Variants in SLC35D4 observed in about 807,000 individuals in gnomAD.
The protein encoded by SLC35D4 is UDP-N-acetylglucosamine transporter SLC35D4.
chr18:23,278,177 T>C, the SLC35D4 span, among the ~76,000 whole-genome samples: 3 of 152,136 alleles, frequency 2.0e-5, no homozygotes, highest in African/African-American at 7.2e-5. Flanking sequence ...TCAAAACCAC[T>C]GGGCAGAATG....
the SLC35D4 span, among the ~76,000 whole-genome samples, chr18:23,407,154 C>A: frequency 2.0e-5 from 3 of 152,132 alleles, no homozygotes; most frequent in Non-Finnish European, 4.4e-5. Flanking sequence ...GGATCCATAT[C>A]CATAGTTTGC....
the SLC35D4 span, among the ~76,000 whole-genome samples, chr18:23,424,886 T>C: frequency 2.0e-5 from 3 of 152,048 alleles, no homozygotes; most frequent in Non-Finnish European, 4.4e-5. Context: ...TGCTATGAAA[T>C]ATTAGGGAGG....
At chr18:23,355,035 C>A in the SLC35D4 span, among the ~76,000 whole-genome samples, 17,452 of 152,048 alleles carry the variant, frequency 0.11, 1,104 homozygotes, top group Middle Eastern at 0.19. Flanking sequence ...CCTCCTGAGC[C>A]CCCCCAGAAC....
chr18:23,351,107 T>TA, the SLC35D4 span, among the ~76,000 whole-genome samples: 2 of 152,114 alleles, frequency 1.3e-5, no homozygotes, highest in East Asian at 3.8e-4. Context: ...TTAATGCTAT[T>TA]AAAAAATAGG....
the SLC35D4 span, chr18:23,310,192 TC>T: frequency 2.0e-6 from 2 of 985,066 alleles, no homozygotes; most frequent in Non-Finnish European, 2.4e-6. Context: ...CCAGCCTTTG[TC>T]CAATGCACCA....
chr18:23,247,183 T>C, the SLC35D4 span, among the ~76,000 whole-genome samples: 1 of 152,214 alleles, frequency 6.6e-6, no homozygotes, highest in Non-Finnish European at 1.5e-5. Context: ...TCTCTTGGCA[T>C]GGTTGGGAGG....
At chr18:23,370,100 A>G in the SLC35D4 span, 1 of 805,756 alleles carries the variant, frequency 1.2e-6, no homozygotes. Context: ...AATCGCTTGA[A>G]CCCGGGGGGT....
the SLC35D4 span, among the ~76,000 whole-genome samples, chr18:23,329,267 G>A: frequency 5.9e-5 from 9 of 152,238 alleles, no homozygotes; most frequent in South Asian, 1.7e-3. Flanking sequence ...GAGTGAACAG[G>A]CAACCTACAG....
At chr18:23,247,159 AAG>A in the SLC35D4 span, among the ~76,000 whole-genome samples, 1 of 152,210 alleles carries the variant, frequency 6.6e-6, no homozygotes, top group African/African-American at 2.4e-5. Context: ...CCCAGCACTA[AAG>A]AGAGGATGCC....
At chr18:23,266,163 A>G in the SLC35D4 span, among the ~76,000 whole-genome samples, 1 of 152,122 alleles carries the variant, frequency 6.6e-6, no homozygotes, top group East Asian at 1.9e-4. Context: ...TAGGGAGCCC[A>G]GGGGCAGCTG....
At chr18:23,306,864 A>T in the SLC35D4 span, among the ~76,000 whole-genome samples, 1 of 152,248 alleles carries the variant, frequency 6.6e-6, no homozygotes, top group Non-Finnish European at 1.5e-5. Context: ...ACCAGTGAGC[A>T]GCAACAACAA....
chr18:23,248,534 TTTTTAA>T, the SLC35D4 span, among the ~76,000 whole-genome samples: 4 of 134,072 alleles, frequency 3.0e-5, no homozygotes, highest in African/African-American at 1.2e-4. Context: ...TTTTTTTTTT[TTTTTAA>T]AAAAAGGCTG....
At chr18:23,372,613 G>T in the SLC35D4 span, among the ~76,000 whole-genome samples, 2 of 152,228 alleles carry the variant, frequency 1.3e-5, no homozygotes, top group Non-Finnish European at 2.9e-5. Flanking sequence ...ATAAGGCACA[G>T]AAAGCATTGG....
the SLC35D4 span, among the ~76,000 whole-genome samples, chr18:23,264,431 C>T: frequency 7.2e-6 from 1 of 138,982 alleles, no homozygotes; most frequent in Non-Finnish European, 1.5e-5. Flanking sequence ...GGTGCGATCT[C>T]GGCTCACTGC....
the SLC35D4 span, among the ~76,000 whole-genome samples, chr18:23,424,079 G>T: frequency 7.2e-5 from 11 of 152,194 alleles, no homozygotes; most frequent in African/African-American, 2.4e-4. Flanking sequence ...TAGGGGTAAA[G>T]AAGTAAGTTA....
the SLC35D4 span, chr18:23,252,951 CTGTT>C: frequency 2.5e-6 from 4 of 1,577,450 alleles, no homozygotes; most frequent in Non-Finnish European, 3.5e-6. Context: ...GTTCCCCTGT[CTGTT>C]ACAGACAACA....
the SLC35D4 span, among the ~76,000 whole-genome samples, chr18:23,329,727 A>AATCATG: frequency 6.6e-6 from 1 of 152,236 alleles, no homozygotes; most frequent in Non-Finnish European, 1.5e-5. Flanking sequence ...AAGGATTATA[A>AATCATG]ATCATGGTAC....
At chr18:23,388,155 C>T in the SLC35D4 span, among the ~76,000 whole-genome samples, 1 of 152,224 alleles carries the variant, frequency 6.6e-6, no homozygotes, top group Non-Finnish European at 1.5e-5. Flanking sequence ...CAACTTTAGA[C>T]TTCGACAAGG....
the SLC35D4 span, among the ~76,000 whole-genome samples, chr18:23,308,876 CTGTGTGTGTG>C: frequency 2.1e-5 from 3 of 139,986 alleles, no homozygotes; most frequent in Admixed American, 1.5e-4. Flanking sequence ...CTCTCTCTCT[CTGTGTGTGTG>C]TGTGTGTGTG....
Sources: gnomAD v4.1 joint callset for allele counts (sites outside exome capture counted in the v4.1 genomes callset) on GRCh38, gnomAD v4.1.1 for gene constraint, MANE v1.5 for transcripts, NCBI Gene and HGNC (gene_info 2026-07-23, HGNC 2026-07-21) for gene names.